The following NWD2 variants were observed in gnomAD, a reference collection of about 807,000 sequenced individuals.
NWD2 encodes NACHT and WD repeat domain-containing protein 2.
A neutral mutation model predicts 132.7 loss-of-function variants in NWD2; 37 were observed. The ratio of observed to expected loss-of-function variants is 0.28; its 90% confidence interval spans 0.21 to 0.37. NWD2 has a LOEUF of 0.37. NWD2 is among the 10% of genes least tolerant of loss of function. The pLI is 1.00. For synonymous variants in NWD2, 705 were observed against 803.0 expected, an observed-to-expected ratio of 0.88 and a Z score of 2.06; for missense variants, 1,592 against 2,122.4, an observed-to-expected ratio of 0.75 and a Z score of 4.91.
chr4:37,413,655 T>A (rs1177339306), intron 3 of NWD2, among the ~76,000 whole-genome samples: 1 of 152,134 alleles, frequency 6.6e-6, no homozygotes, highest in Non-Finnish European at 1.5e-5. Flanking sequence ...CATTCTACTA[T>A]AAAGACACAT....
At chr4:37,342,824 G>A (rs556412759) in intron 2 of NWD2, among the ~76,000 whole-genome samples, 4 of 152,262 alleles carry the variant, frequency 2.6e-5, no homozygotes, top group South Asian at 2.1e-4. Context: ...TTTCGATGAA[G>A]CATCATCCAA....
At chr4:37,281,882 A>G (rs143160048) in intron 1 of NWD2, among the ~76,000 whole-genome samples, 128 of 152,356 alleles carry the variant, frequency 8.4e-4, no homozygotes, top group Middle Eastern at 3.4e-3. Flanking sequence ...TCTGTATTCA[A>G]TACACAAACA....
chr4:37,446,074 C>T lies in NWD2; in HGVS notation c.4086C>T (p.His1362=). ...AVFKHEGIVE[H]CVLTSTGDIM... ...TCAAGCATGAAGGAATAGTTGAACA[C>T]TGTGTGTTAACATCCACCGGAGATA... Residue 1362 remains histidine, a synonymous_variant, in exon 7 of 7, where the codon CAC becomes CAT. Transcript: ENST00000309447. This position sits in a 1 kb window ranked among gnomAD's most constrained non-coding sequence, Gnocchi z 6.7. 6.4e-7 allele frequency: 1 copy of T among 1,551,790 alleles called. No individual in the cohort carries two copies. Among genetic ancestry groups the T allele is most frequent in the Non-Finnish European group, 8.7e-7 (1 of 1,146,998 alleles).
intron 1 of NWD2, among the ~76,000 whole-genome samples, chr4:37,245,607 C>G (rs1265648211): frequency 3.3e-5 from 5 of 151,630 alleles, no homozygotes; most frequent in African/African-American, 1.2e-4. Flanking sequence ...CAAACAGTAG[C>G]TCTCCTCCCC....
chr4:37,357,886 G>A (rs1349529044), intron 3 of NWD2, among the ~76,000 whole-genome samples: 2 of 152,094 alleles, frequency 1.3e-5, no homozygotes, highest in Non-Finnish European at 2.9e-5. Context: ...GGAAAGAGGG[G>A]CAGGAAAGAA....
chr4:37,374,863 A>G (rs2109306568), intron 3 of NWD2, among the ~76,000 whole-genome samples: 1 of 152,348 alleles, frequency 6.6e-6, no homozygotes, highest in East Asian at 1.9e-4. Flanking sequence ...AAATTATGAG[A>G]AAATACTCTG....
At chr4:37,268,465 TAAAG>T (rs1035193154) in intron 1 of NWD2, among the ~76,000 whole-genome samples, 2 of 151,934 alleles carry the variant, frequency 1.3e-5, no homozygotes, top group African/African-American at 2.4e-5. Context: ...TGTTAACTAA[TAAAG>T]AAAGAACCAG....
At chr4:37,260,719 G>T (rs1165184776) in intron 1 of NWD2, among the ~76,000 whole-genome samples, 4 of 152,130 alleles carry the variant, frequency 2.6e-5, no homozygotes, top group Non-Finnish European at 5.9e-5. Flanking sequence ...GGTAAAATAG[G>T]CATAAAAGAC....
chr4:37,262,298 A>G (rs1472360389), intron 1 of NWD2, among the ~76,000 whole-genome samples: 1 of 152,238 alleles, frequency 6.6e-6, no homozygotes, highest in Admixed American at 6.5e-5. Context: ...AATTCATTTT[A>G]GAAAATGATT....
Position 37,443,222 on chromosome 4 carries a change from A to G in NWD2, c.1297-63A>G, listed in dbSNP as rs2109330795. 7.4e-7 allele frequency: 1 copy of G among 1,356,782 alleles called. No individual in the cohort carries two copies. The highest frequency in any genetic ancestry group is 1.0e-6 in the Non-Finnish European group (1 of 997,522). 84.0% of individuals were successfully genotyped at this position (1,356,782 alleles called of 1,614,324 possible). A position where few individuals can be genotyped will look rare whatever the true frequency, so the allele number is the denominator to read the frequency against. On this transcript the variant is annotated intron_variant, in intron 6 of 6. Coordinates refer to ENST00000309447, the MANE Select transcript of NWD2 (RefSeq NM_001144990.2). The surrounding 1 kb of genome is among the most constrained non-coding windows in gnomAD (Gnocchi z 4.1). The stretch of plus-strand genomic sequence containing the variant: ...GAAATCTGAGCTCTGGAGAGAGGCA[A>G]TGTTATCACATATGACCATGTGAAT...
chr4:37,390,336 C>T (rs187304609), intron 3 of NWD2, among the ~76,000 whole-genome samples: 14 of 151,510 alleles, frequency 9.2e-5, no homozygotes, highest in African/African-American at 2.4e-4. Flanking sequence ...TGAAATTTGA[C>T]GGCTACATTT....
intron 3 of NWD2, among the ~76,000 whole-genome samples, chr4:37,382,343 A>C (rs538035851): frequency 5.9e-5 from 9 of 152,254 alleles, no homozygotes; most frequent in African/African-American, 2.2e-4. Context: ...ACTCCAGTGA[A>C]CCTAGATTTA....
intron 3 of NWD2, among the ~76,000 whole-genome samples, chr4:37,394,583 G>A (rs772560357): frequency 2.0e-5 from 3 of 152,102 alleles, no homozygotes; most frequent in Non-Finnish European, 4.4e-5. Context: ...ATAAGCCATG[G>A]CACTAGTGTT....
At chr4:37,317,562 C>T (rs561757964) in intron 1 of NWD2, among the ~76,000 whole-genome samples, 36 of 152,272 alleles carry the variant, frequency 2.4e-4, no homozygotes, top group African/African-American at 7.9e-4. Flanking sequence ...TGTGAAGTCT[C>T]AGTTAAGTAG....
In NWD2 at chr4:37,445,146, A is replaced by C; in HGVS notation, c.3158A>C (p.Lys1053Thr). Residue 1053 changes from lysine (K) to threonine (T), a missense_variant, in exon 7 of 7, where the codon AAG becomes ACG. Physicochemically the swap from Lys to Thr is moderately conservative, Grantham distance 78 (BLOSUM62 -1). Around this residue, in one of 7 missense-constraint regions of NWD2, gnomAD observed 1,071 missense variants for 1,398.0 expected, o/e 0.77. Coordinates refer to ENST00000309447, the MANE Select transcript of NWD2 (RefSeq NM_001144990.2). This position sits in a 1 kb window ranked among gnomAD's most constrained non-coding sequence, Gnocchi z 4.7. ...TCTGAAGTAGAAATCAAGGGGACCAAGCATGGAAGCAGCGCCACCTACATC... is the reference window on the plus strand; with the variant it reads ...TCTGAAGTAGAAATCAAGGGGACCACGCATGGAAGCAGCGCCACCTACATC... Reference protein sequence around the residue: ...LLSEVEIKGTKHGSSATYING... With the variant: ...LLSEVEIKGTTHGSSATYING... 2 of 1,552,134 alleles carry C rather than the reference A, an allele frequency of 1.3e-6. No individual in the cohort carries two copies. The highest frequency in any genetic ancestry group is 1.7e-6 in the Non-Finnish European group (2 of 1,147,094).
At chr4:37,342,522 G>A (rs909331719) in intron 2 of NWD2, among the ~76,000 whole-genome samples, 6 of 152,192 alleles carry the variant, frequency 3.9e-5, no homozygotes, top group Non-Finnish European at 7.3e-5. Flanking sequence ...ACTGAAGGAA[G>A]CTGGTCCCCA....
intron 1 of NWD2, among the ~76,000 whole-genome samples, chr4:37,251,240 C>G (rs754444082): frequency 6.6e-6 from 1 of 152,204 alleles, no homozygotes; most frequent in African/African-American, 2.4e-5. Flanking sequence ...GATCACACCA[C>G]TGCACTCCAG....
At chr4:37,433,755 A>G in intron 4 of NWD2, 121 bp from the exon 5 acceptor site, 1 of 674,894 alleles carries the variant, frequency 1.5e-6, no homozygotes, top group Non-Finnish European at 2.4e-6. Flanking sequence ...CACTGTCTGT[A>G]AAGCACCTAT....
intron 1 of NWD2, among the ~76,000 whole-genome samples, chr4:37,298,148 G>A (rs967612342): frequency 2.0e-5 from 3 of 152,104 alleles, no homozygotes; most frequent in Non-Finnish European, 4.4e-5. Context: ...TCAGAAAACA[G>A]GGACAATTTC....
Sources: gnomAD v4.1 joint callset for allele counts (sites outside exome capture counted in the v4.1 genomes callset) on GRCh38, gnomAD v4.1.1 for gene constraint, gnomAD v4.1.1 regional missense constraint, Gnocchi (gnomAD v3.1) non-coding constraint, MANE v1.5 for transcripts, NCBI Gene and HGNC (gene_info 2026-07-23, HGNC 2026-07-21) for gene names.